The following SIRPA variants were observed in gnomAD, a reference collection of about 807,000 sequenced individuals.
SIRPA encodes tyrosine-protein phosphatase non-receptor type substrate 1.
Under a neutral mutation model 50.3 loss-of-function variants are expected in SIRPA, and 9 were observed. The observed-to-expected ratio is 0.18, with a 90% CI of 0.11 to 0.31. SIRPA has a LOEUF of 0.31. SIRPA is among the 10% of genes least tolerant of loss of function. SIRPA has a pLI of 1.00. For synonymous variants in SIRPA, 265 were observed against 284.1 expected, an observed-to-expected ratio of 0.93 and a Z score of 0.68; for missense variants, 474 against 661.6, an observed-to-expected ratio of 0.72 and a Z score of 3.11.
chr20:1,895,665 A>C (rs777620920), intron 1 of SIRPA, 139 bp downstream of exon 1: 2 of 645,560 alleles, frequency 3.1e-6, no homozygotes, highest in Non-Finnish European at 4.7e-6. Context: ...ATAGATGCAG[A>C]AACTGAGGCC....
Position 1,924,995 on chromosome 20 carries a change from A to C in SIRPA, c.1201+118A>C. 1.3e-6 allele frequency: 1 copy of C among 788,220 alleles called. No individual in the cohort carries two copies. Among genetic ancestry groups the C allele is most frequent in the Non-Finnish European group, 2.2e-6 (1 of 463,194 alleles). The allele number at this position is 788,220 out of a possible 1,614,324, so 48.8% of individuals were successfully genotyped here. A position where few individuals can be genotyped will look rare whatever the true frequency, so the allele number is the denominator to read the frequency against. On this transcript the variant is annotated intron_variant, in intron 5 of 7. Coordinates refer to ENST00000358771, the MANE Select transcript of SIRPA (RefSeq NM_001040023.2). This position sits in a 1 kb window ranked among gnomAD's most constrained non-coding sequence, Gnocchi z 4.5. ...CTTCTGCCAGTAGCAAGAAGTCCAG[A>C]GGTAGTGGTGCTAGGGCTGGGGCAG...
At chr20:1,899,096 TC>T (rs1260195674) in intron 1 of SIRPA, among the ~76,000 whole-genome samples, 1 of 151,640 alleles carries the variant, frequency 6.6e-6, no homozygotes, top group Non-Finnish European at 1.5e-5. Context: ...ACGGAAGGTT[TC>T]CCCCCTCTCT....
At chr20:1,905,571 T>A (rs1055558332) in intron 1 of SIRPA, among the ~76,000 whole-genome samples, 1 of 152,166 alleles carries the variant, frequency 6.6e-6, no homozygotes, top group African/African-American at 2.4e-5. Flanking sequence ...GCCTGGAGAT[T>A]GGGAGGACCT....
At position 1,924,764 on chromosome 20, in the gene SIRPA, A is replaced by C. The variant is rs1324824296; in HGVS notation, c.1088A>C (p.Glu363Ala). 2 of 1,613,430 alleles carry C rather than the reference A, an allele frequency of 1.2e-6. No individual in the cohort carries two copies. Among genetic ancestry groups the C allele is most frequent in the Non-Finnish European group, 1.7e-6 (2 of 1,179,556 alleles). Residue 363 changes from glutamate (E) to alanine (A), a missense_variant and splice_region_variant, in exon 5 of 8, where the codon GAG (glutamate) becomes GCG (alanine). By Grantham distance (107) the Glu-to-Ala change is moderately radical. Around this residue, in one of 4 missense-constraint regions of SIRPA, gnomAD observed 180 missense variants for 206.7 expected, o/e 0.87. Transcript: ENST00000358771. This position sits in a 1 kb window ranked among gnomAD's most constrained non-coding sequence, Gnocchi z 4.5. ...AGCCTCTATTCCATGTGGTCCCTAG[A>C]GAACACTGGATCTAATGAACGGAAC... ...PKEQGSNTAA[E>A]NTGSNERNIY...
At chr20:1,930,080 G>T (rs777039368) in intron 6 of SIRPA, among the ~76,000 whole-genome samples, 11 of 152,064 alleles carry the variant, frequency 7.2e-5, no homozygotes, top group Non-Finnish European at 1.5e-4. Flanking sequence ...ACTACCCAGG[G>T]TCCCCCAGCT....
intron 1 of SIRPA, among the ~76,000 whole-genome samples, chr20:1,908,281 C>G (rs1984666010): frequency 6.6e-6 from 1 of 152,064 alleles, no homozygotes; most frequent in African/African-American, 2.4e-5. Flanking sequence ...TGCATACCTC[C>G]CTGCTTGTCA....
intron 1 of SIRPA, among the ~76,000 whole-genome samples, chr20:1,909,945 C>G (rs1313561825): frequency 6.6e-6 from 1 of 152,204 alleles, no homozygotes; most frequent in East Asian, 1.9e-4. Flanking sequence ...TTGCATCTCT[C>G]AGTGGCATTC....
chr20:1,924,751 A>G lies in SIRPA; in HGVS notation c.1088-13A>G. Reference sequence around the variant, plus strand: ...TCTGCATACGTGAAGCCTCTATTCCATGTGGTCCCTAGAGAACACTGGATC... The same window carrying G: ...TCTGCATACGTGAAGCCTCTATTCCGTGTGGTCCCTAGAGAACACTGGATC... On this transcript the variant is annotated splice_polypyrimidine_tract_variant and intron_variant, in intron 4 of 7. Coordinates refer to ENST00000358771, the MANE Select transcript of SIRPA (RefSeq NM_001040023.2). This position sits in a 1 kb window ranked among gnomAD's most constrained non-coding sequence, Gnocchi z 4.5. The G allele has an allele frequency of 4.4e-6, 7 of 1,608,390 alleles. No individual in the cohort carries two copies. The highest frequency in any genetic ancestry group is 6.0e-6 in the Non-Finnish European group (7 of 1,175,154).
chr20:1,937,562 G>A lies in SIRPA; in HGVS notation c.1509G>A (p.Arg503=). 1.2e-6 allele frequency: 2 copies of A among 1,614,050 alleles called. No homozygotes were observed. Among genetic ancestry groups the A allele is most frequent in the Non-Finnish European group, 1.7e-6 (2 of 1,179,998 alleles). The change falls in exon 8 of 8, where the codon AGG becomes AGA. Residue 503 remains arginine (R), a synonymous_variant. Coordinates refer to ENST00000358771, the MANE Select transcript of SIRPA (RefSeq NM_001040023.2). This position sits in a 1 kb window ranked among gnomAD's most constrained non-coding sequence, Gnocchi z 8.3. ...AGTACGCCAGCGTCCAGGTCCCGAG[G>A]AAGTGAATGGGACCGTGGTTTGCTC... ...FSEYASVQVP[R]K
At chr20:1,930,996 T>C (rs1183270830) in intron 6 of SIRPA, among the ~76,000 whole-genome samples, 5 of 152,272 alleles carry the variant, frequency 3.3e-5, no homozygotes, top group Non-Finnish European at 7.3e-5. Flanking sequence ...CTACCATTTA[T>C]TGAGCACTTA....
intron 1 of SIRPA, among the ~76,000 whole-genome samples, chr20:1,903,532 G>T (rs1267927451): frequency 6.6e-6 from 1 of 152,144 alleles, no homozygotes; most frequent in Non-Finnish European, 1.5e-5. Context: ...GTCATCTTTG[G>T]TTCTGCTGGA....
intron 1 of SIRPA, among the ~76,000 whole-genome samples, chr20:1,904,541 C>T (rs1226473299): frequency 6.6e-6 from 1 of 152,150 alleles, no homozygotes; most frequent in Non-Finnish European, 1.5e-5. Flanking sequence ...TCTGGTCCTC[C>T]GTGAAATGGG....
intron 4 of SIRPA, among the ~76,000 whole-genome samples, chr20:1,923,528 AT>A (rs1985788553): frequency 6.6e-6 from 1 of 152,216 alleles, no homozygotes; most frequent in African/African-American, 2.4e-5. Flanking sequence ...TGTGTAGGGC[AT>A]CGGCCAATGC....
At position 1,934,620 on chromosome 20, in the gene SIRPA, T is replaced by C. The variant is rs564973965; in HGVS notation, c.1227-95T>C. ...GTCCTTCGTTCATGTCCTCAACCCATATAGAAAATGGAGCCTAAATGTTAT... is the reference window on the plus strand; with the variant it reads ...GTCCTTCGTTCATGTCCTCAACCCACATAGAAAATGGAGCCTAAATGTTAT... On this transcript the variant is annotated intron_variant, in intron 6 of 7. Coordinates refer to ENST00000358771, the MANE Select transcript of SIRPA (RefSeq NM_001040023.2). The surrounding 1 kb of genome is among the most constrained non-coding windows in gnomAD (Gnocchi z 4.6). The C allele has an allele frequency of 3.3e-6, 4 of 1,200,178 alleles. No homozygotes were observed. The highest frequency in any genetic ancestry group is 4.7e-5 in the East Asian group (2 of 42,816). 74.3% of individuals were successfully genotyped at this position (1,200,178 alleles called of 1,614,324 possible).
At position 1,937,476 on chromosome 20, in the gene SIRPA, A is replaced by G. The variant is rs766385167; in HGVS notation, c.1423A>G (p.Met475Val). ...EDTLTYADLD[M>V]VHLNRTPKQP... ...CACCCTCACCTATGCTGACCTGGAC[A>G]TGGTCCACCTCAACCGGACCCCCAA... is the stretch of plus-strand genomic sequence containing the variant. The change falls in exon 8 of 8, where the codon ATG becomes GTG. Residue 475 changes from methionine (M) to valine (V), a missense_variant. Around this residue, in one of 4 missense-constraint regions of SIRPA, gnomAD observed 180 missense variants for 206.7 expected, o/e 0.87. Coordinates refer to ENST00000358771, the MANE Select transcript of SIRPA (RefSeq NM_001040023.2). The surrounding 1 kb of genome is among the most constrained non-coding windows in gnomAD (Gnocchi z 8.3). 5 of 1,614,088 alleles carry G rather than the reference A, an allele frequency of 3.1e-6. No individual in the cohort carries two copies. The highest frequency in any genetic ancestry group is 2.2e-5 in the South Asian group (2 of 91,084).
intron 1 of SIRPA, among the ~76,000 whole-genome samples, chr20:1,901,163 C>CTTTTTTTTTTT (rs869181595): frequency 8.9e-4 from 70 of 78,872 alleles, no homozygotes; most frequent in East Asian, 1.1e-3. Context: ...TTCTTTCTTT[C>CTTTTTTTTTTT]TTTTTTTTTT....
Position 1,934,792 on chromosome 20 carries a change from C to T in SIRPA, c.1266+38C>T, listed in dbSNP as rs773122242. 2.4e-5 allele frequency: 39 copies of T among 1,611,512 alleles called. No individual in the cohort carries two copies. Among genetic ancestry groups the T allele is most frequent in the Middle Eastern group, 1.6e-4 (1 of 6,080 alleles). On this transcript the variant is annotated intron_variant, in intron 7 of 7. Coordinates refer to ENST00000358771, the MANE Select transcript of SIRPA (RefSeq NM_001040023.2). The surrounding 1 kb of genome is among the most constrained non-coding windows in gnomAD (Gnocchi z 4.6). ...GTGAGATGCCCTTCCTGGGAAACTC[C>T]GTGGCGTGGTTGCTTCACATCAACC...
At chr20:1,895,387 C>T (rs1297524841), upstream of SIRPA, 2 of 1,026,232 alleles carry the variant, frequency 1.9e-6, no homozygotes, top group African/African-American at 1.7e-5. Flanking sequence ...CCGCTCCAGC[C>T]TGCTCCCGCC....
At chr20:1,900,162 G>A (rs1269936304) in intron 1 of SIRPA, among the ~76,000 whole-genome samples, 7 of 148,968 alleles carry the variant, frequency 4.7e-5, no homozygotes, top group South Asian at 2.1e-4. Context: ...GTGCAATGGC[G>A]TGATCTCGGC....
Sources: gnomAD v4.1 joint callset for allele counts (sites outside exome capture counted in the v4.1 genomes callset) on GRCh38, gnomAD v4.1.1 for gene constraint, gnomAD v4.1.1 regional missense constraint, Gnocchi (gnomAD v3.1) non-coding constraint, MANE v1.5 for transcripts, NCBI Gene and HGNC (gene_info 2026-07-23, HGNC 2026-07-21) for gene names.